Variants in KCNQ5 observed in about 807,000 individuals in gnomAD.
KCNQ5 encodes the protein potassium voltage-gated channel subfamily Q member 5.
Under a neutral mutation model 98.2 loss-of-function variants are expected in KCNQ5, and 30 were observed. The observed-to-expected ratio is 0.31, with a 90% CI of 0.23 to 0.41. KCNQ5 has a LOEUF of 0.41. KCNQ5 is among the 10% of genes least tolerant of loss of function. The pLI, the probability that KCNQ5 is intolerant of heterozygous loss-of-function variation, is 1.00. For missense variants in KCNQ5, 835 were observed against 1,182.5 expected (o/e 0.71, Z 4.31); for synonymous variants, 458 against 449.4 (o/e 1.02, Z -0.24).
At chr6:72,871,660 C>A (rs1340835595) in intron 1 of KCNQ5, among the ~76,000 whole-genome samples, 1 of 152,090 alleles carries the variant, frequency 6.6e-6, no homozygotes, top group Admixed American at 6.5e-5. Flanking sequence ...TAAATGTAAA[C>A]TAAAAGCCAA....
intron 1 of KCNQ5, among the ~76,000 whole-genome samples, chr6:72,709,126 T>C (rs1158049413): frequency 2.6e-5 from 4 of 152,220 alleles, no homozygotes; most frequent in Non-Finnish European, 1.5e-5. Flanking sequence ...ATTACAGGCA[T>C]GAGGCACCAT....
At position 72,968,084 on chromosome 6, in the gene KCNQ5, T is replaced by A. The variant is rs999258611; in HGVS notation, c.399-35824T>A. 5.9e-5 allele frequency among the ~76,000 whole-genome samples: 9 copies of A among 152,272 alleles called. No homozygotes were observed. In the East Asian group the frequency reaches 1.7e-3, roughly 29 times the overall value. ...ATCTGATATATGTGACAAAGATATG[T>A]TTTCATTTATATAAAATGTGAATAG... On this transcript the variant is annotated intron_variant, in intron 1 of 13. Transcript: ENST00000370398.
At position 73,198,269 on chromosome 6, in the gene KCNQ5, A is replaced by T. The variant is rs1207317440; in HGVS notation, c.*2855A>T. On this transcript the variant is annotated 3_prime_UTR_variant, in exon 14 of 14. Transcript: ENST00000370398. ...CCCTTGTATGAGGTTAACTAAAAAA[A>T]TTTTGCTATGTCTGATCTACATGTT... is the stretch of plus-strand genomic sequence containing the variant. The T allele has an allele frequency of 6.6e-6, 1 of 152,194 alleles. No individual in the cohort carries two copies. The highest frequency in any genetic ancestry group is 2.4e-5 in the African/African-American group (1 of 41,452). The allele number at this position is 152,194 out of a possible 1,614,324, so 9.4% of individuals were successfully genotyped here. A position where few individuals can be genotyped will look rare whatever the true frequency, so the allele number is the denominator to read the frequency against.
chr6:72,800,688 T>G (rs1463364515), intron 1 of KCNQ5, among the ~76,000 whole-genome samples: 1 of 152,202 alleles, frequency 6.6e-6, no homozygotes, highest in African/African-American at 2.4e-5. Context: ...TGTTTGCTCT[T>G]GCTTTTCTAG....
chr6:73,128,531 G>C (rs111962055), intron 9 of KCNQ5, among the ~76,000 whole-genome samples: 2 of 152,296 alleles, frequency 1.3e-5, no homozygotes, highest in East Asian at 3.9e-4. Flanking sequence ...TTATCAAATA[G>C]TAGTCAGTCA....
At chr6:72,865,362 C>A (rs1459426053) in intron 1 of KCNQ5, among the ~76,000 whole-genome samples, 1 of 152,142 alleles carries the variant, frequency 6.6e-6, no homozygotes, top group Non-Finnish European at 1.5e-5. Context: ...ACAGAAAATT[C>A]ATAAACCAAG....
chr6:72,996,008 T>C (rs1769282169), intron 1 of KCNQ5, among the ~76,000 whole-genome samples: 2 of 152,212 alleles, frequency 1.3e-5, no homozygotes, highest in Admixed American at 6.5e-5. Context: ...GCTTACATAA[T>C]ATATGCGGTA....
At chr6:72,995,121 C>A (rs371968135) in intron 1 of KCNQ5, among the ~76,000 whole-genome samples, 2 of 152,202 alleles carry the variant, frequency 1.3e-5, no homozygotes, top group Middle Eastern at 3.4e-3. Context: ...GTAATCCCAG[C>A]ACTTTGGGAA....
Position 72,706,465 on chromosome 6 carries a change from A to T in KCNQ5, c.398+83878A>T, listed in dbSNP as rs114896781. Reference sequence around the variant, plus strand: ...GTTCATATATATGCATAATTTTATAACTGAATAATCTGAGTCCATATGTGA... The same window carrying T: ...GTTCATATATATGCATAATTTTATATCTGAATAATCTGAGTCCATATGTGA... On this transcript the variant is annotated intron_variant, in intron 1 of 13. Coordinates refer to ENST00000370398, the MANE Select transcript of KCNQ5 (RefSeq NM_019842.4). 3.2e-3 allele frequency among the ~76,000 whole-genome samples: 490 copies of T among 152,150 alleles called. 4 individuals are homozygous for T. Among genetic ancestry groups the T allele is most frequent in the African/African-American group, 0.011 (474 of 41,546 alleles).
At chr6:73,068,862 A>G (rs755483325) in intron 3 of KCNQ5, among the ~76,000 whole-genome samples, 1 of 152,226 alleles carries the variant, frequency 6.6e-6, no homozygotes, top group Non-Finnish European at 1.5e-5. Flanking sequence ...CAATTTTATC[A>G]TACATCCCTA....
chr6:73,117,873 TGCAACA>T, intron 7 of KCNQ5, among the ~76,000 whole-genome samples: 1 of 152,208 alleles, frequency 6.6e-6, no homozygotes, highest in African/African-American at 2.4e-5. Context: ...TTCAAGATGA[TGCAACA>T]ATAGTTGCAT....
intron 11 of KCNQ5, among the ~76,000 whole-genome samples, chr6:73,190,079 G>A (rs943813225): frequency 1.2e-5 from 1 of 86,352 alleles, no homozygotes; most frequent in African/African-American, 1.3e-4. Context: ...AATAATTTAT[G>A]GGAAAAAAAA....
At chr6:72,768,231 A>G (rs1450319541) in intron 1 of KCNQ5, among the ~76,000 whole-genome samples, 1 of 151,936 alleles carries the variant, frequency 6.6e-6, no homozygotes, top group African/African-American at 2.4e-5. Flanking sequence ...GCTGAAACCT[A>G]AAAAGAGGCT....
At position 73,081,925 on chromosome 6, in the gene KCNQ5, T is replaced by G. The variant is rs111515173; in HGVS notation, c.918+4038T>G. Among the ~76,000 whole-genome samples the G allele has an allele frequency of 4.6e-5, 7 of 152,338 alleles. 1 individual carries two copies. Among genetic ancestry groups the G allele is most frequent in the African/African-American group, 1.4e-4 (6 of 41,584 alleles). ...TTCCTGAATGCTAAACACACGAAGG[T>G]GCCCCCACTCCACCTCAGATTTTCC... On this transcript the variant is annotated intron_variant, in intron 5 of 13. Coordinates refer to ENST00000370398, the MANE Select transcript of KCNQ5 (RefSeq NM_019842.4).
Position 72,848,948 on chromosome 6 carries a change from A to G in KCNQ5, c.399-154960A>G, listed in dbSNP as rs73545815. Among the ~76,000 whole-genome samples the G allele has an allele frequency of 3.9e-3, 596 of 152,280 alleles. 6 individuals carry two copies. Among genetic ancestry groups the G allele is most frequent in the African/African-American group, 0.014 (568 of 41,560 alleles). ...GTCAAATAAGCCCGCTTCCTTTATA[A>G]ATGACCCAGTCTCAGGTATGTCTTT... is the stretch of plus-strand genomic sequence containing the variant. On this transcript the variant is annotated intron_variant, in intron 1 of 13. Transcript: ENST00000370398.
chr6:72,658,576 A>ATTTT (rs1158254933), intron 1 of KCNQ5, among the ~76,000 whole-genome samples: 5 of 92,410 alleles, frequency 5.4e-5, no homozygotes, highest in Admixed American at 1.1e-4. Context: ...ATATATATAT[A>ATTTT]TATTTTTTTT....
chr6:72,747,139 C>T (rs984800277), intron 1 of KCNQ5, among the ~76,000 whole-genome samples: 2 of 152,034 alleles, frequency 1.3e-5, no homozygotes, highest in African/African-American at 4.8e-5. Context: ...ATATCTCCTT[C>T]AATTATTAAT....
At chr6:72,936,263 T>G (rs1415669311) in intron 1 of KCNQ5, among the ~76,000 whole-genome samples, 1 of 152,190 alleles carries the variant, frequency 6.6e-6, no homozygotes, top group African/African-American at 2.4e-5. Context: ...CATTATTCAT[T>G]TTTGTTTTCT....
intron 10 of KCNQ5, among the ~76,000 whole-genome samples, chr6:73,166,776 G>A (rs1288963351): frequency 6.6e-6 from 1 of 152,152 alleles, no homozygotes; most frequent in Non-Finnish European, 1.5e-5. Flanking sequence ...CCTAACGATT[G>A]GTGGGGGCCA....
Sources: allele counts gnomAD v4.1 joint callset (sites outside exome capture counted in the v4.1 genomes callset), GRCh38; gene constraint gnomAD v4.1.1; transcripts MANE v1.5; gene names NCBI Gene and HGNC (gene_info 2026-07-23, HGNC 2026-07-21).